KCNK10: variants seen among roughly 807,000 people sequenced by gnomAD.
KCNK10 encodes potassium channel subfamily K member 10.
A neutral mutation model predicts 47.7 loss-of-function variants in KCNK10; 25 were observed. The ratio of observed to expected loss-of-function variants is 0.52; its 90% CI spans 0.38 to 0.73. The LOEUF (loss-of-function observed/expected upper bound fraction) is 0.73, where lower values mean the gene tolerates loss of function less well. Among genes scored for constraint, KCNK10 ranks in the 30% least tolerant of loss-of-function variants. The pLI is 0.00. For missense variants in KCNK10, 563 were observed against 714.5 expected, an observed-to-expected ratio of 0.79 and a Z score of 2.42; for synonymous variants, 303 against 285.6, an observed-to-expected ratio of 1.06 and a Z score of -0.61.
chr14:88,326,185 C>CG (rs200137537), upstream of KCNK10, among the ~76,000 whole-genome samples: 1 of 130,864 alleles, frequency 7.6e-6, no homozygotes, highest in African/African-American at 2.9e-5. Context: ...TTACCCGCCC[C>CG]CCCCCAAAAA....
chr14:88,211,900 A>G (rs902442731), intron 4 of KCNK10, among the ~76,000 whole-genome samples: 4 of 151,650 alleles, frequency 2.6e-5, no homozygotes, highest in Non-Finnish European at 4.4e-5. Context: ...ATCTCAAAAA[A>G]AAAAAAAAAA....
At chr14:88,264,380 T>A (rs1348581169) in intron 1 of KCNK10, among the ~76,000 whole-genome samples, 2 of 152,228 alleles carry the variant, frequency 1.3e-5, no homozygotes, top group African/African-American at 4.8e-5. Context: ...GCCACTGCAC[T>A]TCAGTTTTGT....
chr14:88,295,326 T>C (rs1887964339), intron 1 of KCNK10, among the ~76,000 whole-genome samples: 1 of 152,260 alleles, frequency 6.6e-6, no homozygotes, highest in African/African-American at 2.4e-5. Context: ...CTCTTTCTCA[T>C]AATTTGCAAA....
intron 4 of KCNK10, among the ~76,000 whole-genome samples, chr14:88,203,780 A>G (rs1336533401): frequency 6.6e-6 from 1 of 152,108 alleles, no homozygotes; most frequent in Admixed American, 6.6e-5. Context: ...GTCATGAACG[A>G]TCAGTGGTTA....
chr14:88,263,511 G>A lies in KCNK10; in HGVS notation c.93C>T (p.Ser31=), dbSNP rs745900505. ...GAGCCGGGGGTTGCCCGTTAGTGGC[G>A]CTCTTGGGCTGGCACACCGGTGCTG... ...PAAAPVCQPK[S]ATNGQPPAPA... is the part of the protein sequence containing the mutation. The change falls in exon 2 of 7, where the codon AGC becomes AGT. Residue 31 remains serine (S), a synonymous_variant. Coordinates refer to ENST00000319231, the MANE Select transcript of KCNK10 (RefSeq NM_138317.3). The A allele has an allele frequency of 7.4e-6, 12 of 1,613,020 alleles. No homozygotes were observed. Among genetic ancestry groups the A allele is most frequent in the Middle Eastern group, 1.7e-4 (1 of 5,892 alleles).
intron 1 of KCNK10, among the ~76,000 whole-genome samples, chr14:88,296,634 T>G (rs1403901071): frequency 6.6e-6 from 1 of 152,192 alleles, no homozygotes; most frequent in African/African-American, 2.4e-5. Context: ...AGAAGATGCA[T>G]AGACATGAGG....
intron 4 of KCNK10, among the ~76,000 whole-genome samples, chr14:88,223,553 G>C (rs1885888881): frequency 6.6e-6 from 1 of 152,100 alleles, no homozygotes; most frequent in Non-Finnish European, 1.5e-5. Flanking sequence ...CTCTGCTTCT[G>C]TCTGTTGCCT....
chr14:88,227,528 C>G lies in KCNK10; in HGVS notation c.528G>C (p.Gly176=), dbSNP rs868674222. ...CTCCTTCAGTGCTCGGAGCAATATT[C>G]CCATACCCTGGTGAGAAATATGAAA... ...AGTVITTIGY[G]NIAPSTEGGK... The change falls in exon 4 of 7, where the codon GGG becomes GGC. Residue 176 remains glycine (G), a synonymous_variant. Coordinates refer to ENST00000319231, the MANE Select transcript of KCNK10 (RefSeq NM_138317.3). 10 of 1,596,936 alleles carry G rather than the reference C, an allele frequency of 6.3e-6. No homozygotes were observed. Among genetic ancestry groups the G allele is most frequent in the Non-Finnish European group, 8.5e-6 (10 of 1,174,606 alleles).
At chr14:88,297,439 T>C (rs1404788070) in intron 1 of KCNK10, among the ~76,000 whole-genome samples, 1 of 152,234 alleles carries the variant, frequency 6.6e-6, no homozygotes, top group Admixed American at 6.5e-5. Flanking sequence ...TCCAGGACCA[T>C]AAAACGTAAC....
chr14:88,187,904 GC>G, intron 6 of KCNK10, 62 bp downstream of exon 6: 1 of 1,586,794 alleles, frequency 6.3e-7, no homozygotes, highest in Non-Finnish European at 8.6e-7. Flanking sequence ...ACAGAGACAG[GC>G]AATTCTGGAC....
intron 1 of KCNK10, among the ~76,000 whole-genome samples, chr14:88,302,267 T>C (rs1220794011): frequency 6.6e-6 from 1 of 152,168 alleles, no homozygotes; most frequent in Non-Finnish European, 1.5e-5. Flanking sequence ...ATATAGATGA[T>C]ACAGAGGGAC....
chr14:88,309,229 A>G (rs1888262548), intron 1 of KCNK10, among the ~76,000 whole-genome samples: 1 of 152,262 alleles, frequency 6.6e-6, no homozygotes, highest in South Asian at 2.1e-4. Context: ...CTGAAATCTC[A>G]GAACCGATAT....
chr14:88,193,122 T>C (rs183749420), intron 4 of KCNK10, among the ~76,000 whole-genome samples: 129 of 152,326 alleles, frequency 8.5e-4, no homozygotes, highest in African/African-American at 3.0e-3. Context: ...GGATAGGAGT[T>C]AGCATAACAG....
intron 2 of KCNK10, among the ~76,000 whole-genome samples, chr14:88,261,418 C>T (rs1362588694): frequency 1.3e-5 from 2 of 152,160 alleles, no homozygotes; most frequent in African/African-American, 4.8e-5. Context: ...CTGATTAGTA[C>T]AAAAATCTCA....
chr14:88,269,689 G>A (rs571982293), intron 1 of KCNK10, among the ~76,000 whole-genome samples: 2 of 152,162 alleles, frequency 1.3e-5, no homozygotes, highest in African/African-American at 4.8e-5. Context: ...TGCCAGCATC[G>A]ACCTCCTAAA....
At chr14:88,283,406 C>A (rs897766697) in intron 1 of KCNK10, among the ~76,000 whole-genome samples, 1 of 152,068 alleles carries the variant, frequency 6.6e-6, no homozygotes, top group African/African-American at 2.4e-5. Context: ...ACAGATTTGC[C>A]GGTAGAAAAG....
Position 88,184,320 on chromosome 14 carries a change from C to T in KCNK10, c.*1215G>A, listed in dbSNP as rs1419907896. The T allele has an allele frequency of 1.2e-4, 18 of 152,202 alleles. 1 individual carries two copies. The highest frequency in any genetic ancestry group is 1.2e-3 in the Admixed American group (18 of 15,270). 9.4% of individuals were successfully genotyped at this position (152,202 alleles called of 1,614,324 possible). On this transcript the variant is annotated 3_prime_UTR_variant, in exon 7 of 7. Coordinates refer to ENST00000319231, the MANE Select transcript of KCNK10 (RefSeq NM_138317.3). ...GTGACTTTTTCAGAATAAAGGAATG[C>T]CCAAACATAAAAGTAAAATGAAATA...
chr14:88,253,908 A>G (rs1886869706), intron 2 of KCNK10, among the ~76,000 whole-genome samples: 1 of 152,154 alleles, frequency 6.6e-6, no homozygotes, highest in Non-Finnish European at 1.5e-5. Context: ...GGGGGCAGAG[A>G]GGGGAAGCCC....
At chr14:88,320,388 T>C (rs1888521427) in intron 1 of KCNK10, among the ~76,000 whole-genome samples, 1 of 152,180 alleles carries the variant, frequency 6.6e-6, no homozygotes, top group Non-Finnish European at 1.5e-5. Flanking sequence ...AACATGAATA[T>C]ATAGAATGAT....
Sources: gnomAD v4.1 joint callset for allele counts (sites outside exome capture counted in the v4.1 genomes callset) on GRCh38, gnomAD v4.1.1 for gene constraint, MANE v1.5 for transcripts, NCBI Gene and HGNC (gene_info 2026-07-23, HGNC 2026-07-21) for gene names.